Variants in B4GALT5 observed in about 807,000 individuals in gnomAD.
B4GALT5 encodes beta-1,4-galactosyltransferase 5.
A neutral mutation model predicts 45.0 loss-of-function variants in B4GALT5; 11 were observed. The observed-to-expected ratio is 0.24, with a 90% CI of 0.15 to 0.40. B4GALT5 has a LOEUF of 0.40. B4GALT5 is among the 10% of genes least tolerant of loss of function. B4GALT5 has a pLI of 1.00. For missense variants in B4GALT5, 337 were observed against 500.2 expected (o/e 0.67, Z 3.11); for synonymous variants, 185 against 182.9 (o/e 1.01, Z -0.09).
At chr20:49,700,749 T>G (rs1424881569) in intron 1 of B4GALT5, among the ~76,000 whole-genome samples, 1 of 152,186 alleles carries the variant, frequency 6.6e-6, no homozygotes, top group Non-Finnish European at 1.5e-5. Flanking sequence ...AAGGAATGAC[T>G]CACATCCCAG....
intron 1 of B4GALT5, among the ~76,000 whole-genome samples, chr20:49,709,264 A>G (rs2085897719): frequency 6.6e-6 from 1 of 152,200 alleles, no homozygotes. Flanking sequence ...GGATATTTCA[A>G]CATTGCAAAT....
chr20:49,640,304 G>A (rs554450376), intron 6 of B4GALT5, among the ~76,000 whole-genome samples, 174 bp downstream of exon 6: 3 of 152,202 alleles, frequency 2.0e-5, no homozygotes, highest in African/African-American at 4.8e-5. Context: ...GCACGTATCA[G>A]TATTTCATTG....
chr20:49,672,501 C>T lies in B4GALT5; in HGVS notation c.116-15799G>A, dbSNP rs543611152. Among the ~76,000 whole-genome samples the T allele has an allele frequency of 2.6e-5, 4 of 152,294 alleles. No homozygotes were observed. In the South Asian group the frequency reaches 6.2e-4, roughly 24 times the overall value. On this transcript the variant is annotated intron_variant, in intron 1 of 8. Transcript: ENST00000371711. ...ATATATCAACTTGTAGTCCTAGAAA[C>T]GGGTTCTCTGGGCCATGCAGAATGC...
At chr20:49,698,051 G>A (rs995620191) in intron 1 of B4GALT5, among the ~76,000 whole-genome samples, 3 of 152,150 alleles carry the variant, frequency 2.0e-5, no homozygotes, top group Admixed American at 6.6e-5. Context: ...GCCGGGCGCG[G>A]TGGCTCATGC....
rs563721029 is a variant in B4GALT5 at position 49,702,861 on chromosome 20, CA to C, written c.115+10714del. 9.7e-4 allele frequency among the ~76,000 whole-genome samples: 143 copies of C among 147,392 alleles called. 2 individuals carry two copies. Among genetic ancestry groups the C allele is most frequent in the African/African-American group, 2.9e-3 (118 of 40,140 alleles). On this transcript the variant is annotated intron_variant, in intron 1 of 8. Transcript: ENST00000371711. ...CAGAGCGAGAGTCCATCTCAAAAAA[CA>C]AAAAAAAACCCTAAAAAATAGTGAT...
At chr20:49,668,646 C>G (rs1324442086) in intron 1 of B4GALT5, among the ~76,000 whole-genome samples, 1 of 152,026 alleles carries the variant, frequency 6.6e-6, no homozygotes, top group Non-Finnish European at 1.5e-5. Flanking sequence ...TGGGAATGTG[C>G]TAGAGGCACA....
intron 1 of B4GALT5, among the ~76,000 whole-genome samples, chr20:49,697,304 G>A (rs774841522): frequency 7.2e-5 from 11 of 152,254 alleles, no homozygotes; most frequent in South Asian, 2.1e-4. Context: ...GCGCAGCGGC[G>A]CCTTTGAGGG....
At chr20:49,643,408 A>G in intron 4 of B4GALT5, 118 bp downstream of exon 4, 1 of 1,321,838 alleles carries the variant, frequency 7.6e-7, no homozygotes, top group South Asian at 1.4e-5. Flanking sequence ...CTACATTTGC[A>G]TGGAATGGTA....
At chr20:49,657,334 G>A (rs986025786) in intron 1 of B4GALT5, among the ~76,000 whole-genome samples, 1 of 152,180 alleles carries the variant, frequency 6.6e-6, no homozygotes, top group Admixed American at 6.5e-5. Flanking sequence ...CACAGTCCAA[G>A]GTCAATTAAA....
At chr20:49,709,890 T>G (rs1475916853) in intron 1 of B4GALT5, among the ~76,000 whole-genome samples, 1 of 152,240 alleles carries the variant, frequency 6.6e-6, no homozygotes. Flanking sequence ...ATAGTCTTAT[T>G]TAGTAATTTT....
rs543270868 is a variant in B4GALT5 at position 49,695,862 on chromosome 20, T to C, written c.115+17714A>G. Among the ~76,000 whole-genome samples the C allele has an allele frequency of 8.3e-4, 126 of 152,298 alleles. No individual in the cohort carries two copies. The Middle Eastern group carries it at 0.01, about 12-fold the overall frequency. ...GGGGGTGGGAAAAGAAAACAACACA[T>C]TGAGTTTCAATCTAATCATTTCCAA... is the stretch of plus-strand genomic sequence containing the variant. On this transcript the variant is annotated intron_variant, in intron 1 of 8. Transcript: ENST00000371711.
At chr20:49,706,453 T>C (rs1328970855) in intron 1 of B4GALT5, among the ~76,000 whole-genome samples, 3 of 152,168 alleles carry the variant, frequency 2.0e-5, no homozygotes, top group Admixed American at 6.6e-5. Context: ...ACTTATATGA[T>C]CATCTATAAA....
chr20:49,649,039 T>C (rs1399409553), intron 2 of B4GALT5, among the ~76,000 whole-genome samples: 1 of 152,242 alleles, frequency 6.6e-6, no homozygotes, highest in Non-Finnish European at 1.5e-5. Flanking sequence ...AAAAGCACTA[T>C]GAGCAGGTTT....
chr20:49,706,084 C>T (rs909170654), intron 1 of B4GALT5, among the ~76,000 whole-genome samples: 2 of 150,574 alleles, frequency 1.3e-5, no homozygotes, highest in African/African-American at 4.9e-5. Context: ...CCCAGCTACT[C>T]AGGAGGGTGA....
rs377193022 is a variant in B4GALT5, at chr20:49,713,505, G to A, written c.115+71C>T. The A allele has an allele frequency of 8.9e-3, 13,125 of 1,470,802 alleles. 89 individuals carry two copies. Among genetic ancestry groups the A allele is most frequent in the Non-Finnish European group, 0.01 (11,117 of 1,084,654 alleles). The allele number at this position is 1,470,802 out of a possible 1,614,324, so 91.1% of individuals were successfully genotyped here. ...CGCCTCCCGGCCGGGGCCCCTTAGG[G>A]AGGGGCGGGGATTCCCCGGGTCCCT... On this transcript the variant is annotated intron_variant, in intron 1 of 8. Transcript: ENST00000371711.
chr20:49,637,253 T>G (rs1373894136), intron 8 of B4GALT5, 88 bp downstream of exon 8: 7 of 1,162,916 alleles, frequency 6.0e-6, no homozygotes, highest in Non-Finnish European at 7.7e-6. Flanking sequence ...GGGTGGGGAG[T>G]AGGAGAAGGG....
chr20:49,713,093 G>C (rs942197929), intron 1 of B4GALT5, among the ~76,000 whole-genome samples: 1 of 151,506 alleles, frequency 6.6e-6, no homozygotes, highest in Non-Finnish European at 1.5e-5. Context: ...GGATGGATGG[G>C]AGCTAGAAGG....
chr20:49,663,705 A>C (rs71336598), intron 1 of B4GALT5, among the ~76,000 whole-genome samples: 7,702 of 106,446 alleles, frequency 0.072, 661 homozygotes, highest in Non-Finnish European at 0.094. Context: ...ATACATATAT[A>C]TATATATATA....
rs772382964 is a variant in B4GALT5 at position 49,647,063 on chromosome 20, A to C, written c.266T>G (p.Leu89Trp). The C allele has an allele frequency of 6.2e-7, 1 of 1,613,230 alleles. No homozygotes were observed. The highest frequency in any genetic ancestry group is 8.5e-7 in the Non-Finnish European group (1 of 1,179,294). The change falls in exon 3 of 9, where the codon TTG becomes TGG. Residue 89 changes from leucine to tryptophan, a missense_variant. Physicochemically the swap from Leu to Trp is moderately conservative, Grantham distance 61. Around this residue, in one of 2 missense-constraint regions of B4GALT5, gnomAD observed 174 missense variants for 207.4 expected, o/e 0.84. Coordinates refer to ENST00000371711, the MANE Select transcript of B4GALT5 (RefSeq NM_004776.4). ...SVNDSDYPLD[L>W]NHSETFLQTT... Reference sequence around the variant, plus strand: ...TTGCAGGAAGGTTTCACTGTGGTTCAAGTCAAGAGGATAATCTAGGGAGGT... The same window carrying C: ...TTGCAGGAAGGTTTCACTGTGGTTCCAGTCAAGAGGATAATCTAGGGAGGT...
Sources: allele counts gnomAD v4.1 joint callset (sites outside exome capture counted in the v4.1 genomes callset), GRCh38; gene constraint gnomAD v4.1.1; regional missense constraint gnomAD v4.1.1; transcripts MANE v1.5; gene names NCBI Gene and HGNC (gene_info 2026-07-23, HGNC 2026-07-21).